SLC2A11: variants seen among roughly 807,000 people sequenced by gnomAD.
SLC2A11 encodes the protein solute carrier family 2, facilitated glucose transporter member 11.
SLC2A11 carries 43 observed loss-of-function variants against 52.1 expected under a neutral mutation model. That is an observed-to-expected ratio of 0.82 (90% CI 0.65 to 1.06). The LOEUF (loss-of-function observed/expected upper bound fraction) is 1.06. Among genes scored for constraint, SLC2A11 ranks in the 50% least tolerant of loss-of-function variants. The pLI, the probability that SLC2A11 is intolerant of heterozygous loss-of-function variation, is 0.00. For missense variants in SLC2A11, 582 were observed against 654.2 expected (o/e 0.89, Z 1.20); for synonymous variants, 261 against 277.6 (o/e 0.94, Z 0.59).
Position 23,882,655 on chromosome 22 carries a change from C to G in SLC2A11, c.882+9C>G. 1 of 1,608,830 alleles carries G rather than the reference C, an allele frequency of 6.2e-7. No individual in the cohort carries two copies. Among genetic ancestry groups the G allele is most frequent in the Non-Finnish European group, 8.5e-7 (1 of 1,177,052 alleles). On this transcript the variant is annotated intron_variant, in intron 7 of 11. Transcript: ENST00000316185. ...TCTGCGGGAATGACTCGGTGAGACC[C>G]CTGCCCCGCCGCACACCCTGGGCCC...
intron 3 of SLC2A11, among the ~76,000 whole-genome samples, chr22:23,873,787 A>G (rs1486326258): frequency 6.6e-6 from 1 of 152,154 alleles, no homozygotes; most frequent in Non-Finnish European, 1.5e-5. Flanking sequence ...TATTATTGTA[A>G]TTATAATTAT....
upstream of SLC2A11, chr22:23,857,407 C>T (rs2031873061): frequency 1.3e-6 from 2 of 1,597,440 alleles, no homozygotes; most frequent in East Asian, 2.3e-5. Flanking sequence ...CCAGAGCTCC[C>T]TTCCGGCCTG....
chr22:23,862,269 A>G, intron 2 of SLC2A11, 67 bp downstream of exon 2: 1 of 1,463,852 alleles, frequency 6.8e-7, no homozygotes. Context: ...CTGCCCACTG[A>G]GGGGCTTCAG....
rs557743880 is a variant in SLC2A11 at position 23,879,999 on chromosome 22, G to A, written c.694+2130G>A. Among the ~76,000 whole-genome samples the A allele has an allele frequency of 3.3e-5, 5 of 152,220 alleles. No individual in the cohort carries two copies. The South Asian group carries it at 1.0e-3, about 32-fold the overall frequency. ...GAGGCTGAGGCGGGCAGATCACGAG[G>A]TCAAGACATCAAGACCAGCCTGGCC... is the stretch of plus-strand genomic sequence containing the variant. On this transcript the variant is annotated intron_variant, in intron 6 of 11. Transcript: ENST00000316185.
At position 23,863,837 on chromosome 22, in the gene SLC2A11, C is replaced by T. The variant is rs142437531; in HGVS notation, c.129+1635C>T. On this transcript the variant is annotated intron_variant, in intron 2 of 11. Transcript: ENST00000316185. Reference sequence around the variant, plus strand: ...GTAGAGATGGGGTCTCATCATGTTGCCCAGGCTGGTCTCAAACTCCTGAGC... The same window carrying T: ...GTAGAGATGGGGTCTCATCATGTTGTCCAGGCTGGTCTCAAACTCCTGAGC... Among the ~76,000 whole-genome samples, 1,012 of 152,070 alleles carry T rather than the reference C, an allele frequency of 6.7e-3. 13 individuals are homozygous for T. The highest frequency in any genetic ancestry group is 0.023 in the African/African-American group (963 of 41,480).
At chr22:23,858,073 G>A (rs73158767) in intron 1 of SLC2A11, 44 bp downstream of exon 1, 114,031 of 1,552,058 alleles carry the variant, frequency 0.073, 4,634 homozygotes, top group Middle Eastern at 0.095. Flanking sequence ...TTCAGATGAG[G>A]GATTGCGGAC....
chr22:23,858,056 C>T lies in SLC2A11; in HGVS notation c.30+27C>T, dbSNP rs200583854. The T allele has an allele frequency of 1.7e-5, 27 of 1,553,164 alleles. No individual in the cohort carries two copies. In the East Asian group the frequency reaches 5.1e-4, roughly 29 times the overall value. On this transcript the variant is annotated intron_variant, in intron 1 of 11. Coordinates refer to ENST00000316185, the MANE Select transcript of SLC2A11 (RefSeq NM_001024939.4). ...TATGAATTCTCATACTTGCCCAGACCAGGCGTTTCAGATGAGGGATTGCGG... is the reference window on the plus strand; with the variant it reads ...TATGAATTCTCATACTTGCCCAGACTAGGCGTTTCAGATGAGGGATTGCGG...
Position 23,885,318 on chromosome 22 carries a change from G to T in SLC2A11, c.*469G>T, listed in dbSNP as rs1369310543. On this transcript the variant is annotated 3_prime_UTR_variant, in exon 12 of 12. Coordinates refer to ENST00000316185, the MANE Select transcript of SLC2A11 (RefSeq NM_001024939.4). ...AGCAGTAAGCTACAATCACACCACT[G>T]CATGCCAGACTGGGTGACAGAGGGA... is the stretch of plus-strand genomic sequence containing the variant. 1 of 192,566 alleles carries T rather than the reference G, an allele frequency of 5.2e-6. No homozygotes were observed. Among genetic ancestry groups the T allele is most frequent in the Non-Finnish European group, 1.0e-5 (1 of 95,484 alleles). 11.9% of individuals were successfully genotyped at this position (192,566 alleles called of 1,614,324 possible). A position where few individuals can be genotyped will look rare whatever the true frequency, so the allele number is the denominator to read the frequency against.
Position 23,882,635 on chromosome 22 carries a change from G to T in SLC2A11, c.871G>T (p.Gly291Trp). The change falls in exon 7 of 12, where the codon GGG (glycine) becomes TGG (tryptophan). Residue 291 changes from glycine to tryptophan, a missense_variant. Physicochemically the swap from Gly to Trp is radical, Grantham distance 184. Coordinates refer to ENST00000316185, the MANE Select transcript of SLC2A11 (RefSeq NM_001024939.4). ...VVLGSAMELC[G>W]NDSVYAYASS... is the part of the protein sequence containing the mutation. ...TCTGGGCAGTGCCATGGAGCTCTGCGGGAATGACTCGGTGAGACCCCTGCC... is the reference window on the plus strand; with the variant it reads ...TCTGGGCAGTGCCATGGAGCTCTGCTGGAATGACTCGGTGAGACCCCTGCC... The T allele has an allele frequency of 6.2e-7, 1 of 1,612,406 alleles. No homozygotes were observed.
upstream of SLC2A11, chr22:23,857,581 C>T (rs765248634): frequency 3.2e-5 from 47 of 1,453,024 alleles, 1 homozygote; most frequent in South Asian, 7.0e-5. Flanking sequence ...CCCCAAACCC[C>T]CCCCCCGCGG....
chr22:23,859,450 C>A (rs1316158960), intron 1 of SLC2A11, among the ~76,000 whole-genome samples: 1 of 152,044 alleles, frequency 6.6e-6, no homozygotes, highest in African/African-American at 2.4e-5. Flanking sequence ...CCAGCTGTAT[C>A]TTGCCCCCCA....
At chr22:23,860,281 G>A (rs2032002464) in intron 1 of SLC2A11, among the ~76,000 whole-genome samples, 1 of 152,004 alleles carries the variant, frequency 6.6e-6, no homozygotes, top group Non-Finnish European at 1.5e-5. Context: ...CAGCATGATG[G>A]TGTGTGCCTG....
At chr22:23,862,848 C>G (rs1344538917) in intron 2 of SLC2A11, among the ~76,000 whole-genome samples, 1 of 152,084 alleles carries the variant, frequency 6.6e-6, no homozygotes, top group Non-Finnish European at 1.5e-5. Flanking sequence ...GTCTCAAACT[C>G]CCAACCTCAT....
In SLC2A11 at chr22:23,885,262, G is replaced by A. The variant is rs1349093990; in HGVS notation, c.*413G>A. ...TCTAGCTACTCAGGAGGCTGAGGCA[G>A]CAGGATCACTTGAGTCCAAGAGTTC... On this transcript the variant is annotated 3_prime_UTR_variant, in exon 12 of 12. Coordinates refer to ENST00000316185, the MANE Select transcript of SLC2A11 (RefSeq NM_001024939.4). The A allele has an allele frequency of 1.1e-5, 3 of 276,906 alleles. No individual in the cohort carries two copies. Among genetic ancestry groups the A allele is most frequent in the Non-Finnish European group, 2.0e-5 (3 of 149,654 alleles). The allele number at this position is 276,906 out of a possible 1,614,324, so 17.2% of individuals were successfully genotyped here. A position where few individuals can be genotyped will look rare whatever the true frequency, so the allele number is the denominator to read the frequency against.
intron 6 of SLC2A11, chr22:23,879,858 T>A (rs1037983396): frequency 2.0e-5 from 3 of 152,400 alleles, no homozygotes; most frequent in Non-Finnish European, 2.9e-5. Context: ...TGATTCCTTC[T>A]GAAGAGGGCG....
rs533597925 is a variant in SLC2A11 at position 23,858,334 on chromosome 22, A to G, written c.30+305A>G. 3.9e-5 allele frequency among the ~76,000 whole-genome samples: 6 copies of G among 152,152 alleles called. No homozygotes were observed. In the East Asian group the frequency reaches 9.7e-4, roughly 25 times the overall value. ...GGCAGTAAGCCCTCCGAGCGCTGCA[A>G]TCCTGACTGCTCGCCCCCTCCCGAG... On this transcript the variant is annotated intron_variant, in intron 1 of 11. Coordinates refer to ENST00000316185, the MANE Select transcript of SLC2A11 (RefSeq NM_001024939.4).
In SLC2A11 at chr22:23,872,589, A is replaced by C. The variant is rs188585322; in HGVS notation, c.291-2528A>C. On this transcript the variant is annotated intron_variant, in intron 3 of 11. Transcript: ENST00000316185. ...ATTTGGCTTCGACCCACTAGAGAATATACTTCTCTTGCTTAGCACCACTCA... is the reference window on the plus strand; with the variant it reads ...ATTTGGCTTCGACCCACTAGAGAATCTACTTCTCTTGCTTAGCACCACTCA... 7 of 152,316 alleles carry C rather than the reference A, an allele frequency of 4.6e-5. 1 individual carries two copies. The East Asian group carries it at 1.4e-3, about 29-fold the overall frequency. The allele number at this position is 152,316 out of a possible 1,614,324, so 9.4% of individuals were successfully genotyped here.
intron 3 of SLC2A11, chr22:23,870,221 A>G (rs1175288463): frequency 1.5e-5 from 9 of 584,318 alleles, no homozygotes; most frequent in Non-Finnish European, 2.4e-5. Context: ...TTGCGCGGCT[A>G]TCTCATGATA....
chr22:23,877,020 C>T (rs1160935793), intron 4 of SLC2A11, 22 bp from the exon 5 acceptor site: 2 of 1,613,680 alleles, frequency 1.2e-6, no homozygotes, highest in Non-Finnish European at 1.7e-6. Context: ...GGCTGACGTG[C>T]CTCTGCTGTG....
Sources: allele counts gnomAD v4.1 joint callset (sites outside exome capture counted in the v4.1 genomes callset), GRCh38; gene constraint gnomAD v4.1.1; transcripts MANE v1.5; gene names NCBI Gene and HGNC (gene_info 2026-07-23, HGNC 2026-07-21).